The following DNM3 variants were observed in gnomAD, a reference collection of about 807,000 sequenced individuals.
DNM3 encodes the protein dynamin 3.
A neutral mutation model predicts 101.6 loss-of-function variants in DNM3; 47 were observed. The observed-to-expected ratio is 0.46, with a 90% CI of 0.37 to 0.59. The LOEUF is 0.59. Among genes scored for constraint, DNM3 ranks in the 20% least tolerant of loss-of-function variants. The pLI is 0.00. For synonymous variants in DNM3, 385 were observed against 387.9 expected (o/e 0.99, Z 0.09); for missense variants, 849 against 1,085.7 (o/e 0.78, Z 3.06).
chr1:172,299,556 T>C (rs2064335712), intron 15 of DNM3, among the ~76,000 whole-genome samples: 1 of 152,042 alleles, frequency 6.6e-6, no homozygotes, highest in African/African-American at 2.4e-5. Flanking sequence ...CATCTAGTAA[T>C]CCCCAGTGTC....
At position 171,945,244 on chromosome 1, in the gene DNM3, A is replaced by G. The variant is rs114053349; in HGVS notation, c.235+23423A>G. 6.5e-3 allele frequency among the ~76,000 whole-genome samples: 984 copies of G among 152,204 alleles called. 16 individuals carry two copies. Among genetic ancestry groups the G allele is most frequent in the African/African-American group, 0.022 (893 of 41,530 alleles). On this transcript the variant is annotated intron_variant, in intron 2 of 20. Coordinates refer to ENST00000627582, the MANE Select transcript of DNM3 (RefSeq NM_015569.5). The stretch of plus-strand genomic sequence containing the variant: ...TTTTTTCCAAGAAAAGAATGATGCA[A>G]AATTAGAGAAACCAATTATTTGCAT...
chr1:171,870,778 T>C (rs1444973511), intron 1 of DNM3, among the ~76,000 whole-genome samples: 1 of 152,160 alleles, frequency 6.6e-6, no homozygotes, highest in African/African-American at 2.4e-5. Context: ...CACAATCAGG[T>C]ACCCAAACTG....
At chr1:172,069,328 A>G (rs368135612) in intron 11 of DNM3, among the ~76,000 whole-genome samples, 1 of 152,202 alleles carries the variant, frequency 6.6e-6, no homozygotes, top group Non-Finnish European at 1.5e-5. Context: ...ATTATGCAAA[A>G]TGCTCAGTGT....
At chr1:172,037,330 C>T (rs1558463366) in intron 6 of DNM3, among the ~76,000 whole-genome samples, 1 of 152,178 alleles carries the variant, frequency 6.6e-6, no homozygotes, top group Non-Finnish European at 1.5e-5. Context: ...GCTATAAATA[C>T]ATATGCACAC....
At chr1:171,927,149 TAA>T (rs1571655125) in intron 2 of DNM3, among the ~76,000 whole-genome samples, 1 of 152,182 alleles carries the variant, frequency 6.6e-6, no homozygotes, top group East Asian at 1.9e-4. Flanking sequence ...TAGAAAAACT[TAA>T]AGAGTCCACT....
At chr1:171,921,945 A>G (rs2040205952) in intron 2 of DNM3, 124 bp downstream of exon 2, 1 of 712,596 alleles carries the variant, frequency 1.4e-6, no homozygotes, top group Non-Finnish European at 2.4e-6. Flanking sequence ...AGCTGCCCAC[A>G]TTTCTCTCCA....
intron 14 of DNM3, among the ~76,000 whole-genome samples, chr1:172,177,050 C>T (rs886483693): frequency 1.3e-4 from 20 of 151,736 alleles, no homozygotes; most frequent in Non-Finnish European, 2.1e-4. Flanking sequence ...AGGTGCTTAA[C>T]GCAAAGGGAA....
intron 15 of DNM3, among the ~76,000 whole-genome samples, chr1:172,281,979 C>G (rs1450912448): frequency 6.6e-6 from 1 of 152,124 alleles, no homozygotes; most frequent in Admixed American, 6.5e-5. Flanking sequence ...CAATTCTTTG[C>G]TCTGAAATTT....
At chr1:171,894,342 G>A (rs546576735) in intron 1 of DNM3, among the ~76,000 whole-genome samples, 46 of 152,260 alleles carry the variant, frequency 3.0e-4, no homozygotes, top group African/African-American at 1.1e-3. Context: ...TTTGCCACTG[G>A]AAAACCGGAA....
chr1:172,411,967 T>C lies in DNM3; in HGVS notation c.*4126T>C. ...TACTCATCCTGTCTGGTTGCTATGT[T>C]TAAAATTATGTGGTGCTGTGTAGGT... On this transcript the variant is annotated 3_prime_UTR_variant, in exon 21 of 21. Transcript: ENST00000627582. The C allele has an allele frequency of 3.0e-6, 3 of 985,778 alleles. No homozygotes were observed. The highest frequency in any genetic ancestry group is 3.6e-6 in the Non-Finnish European group (3 of 829,854). The allele number at this position is 985,778 out of a possible 1,614,324, so 61.1% of individuals were successfully genotyped here. A position where few individuals can be genotyped will look rare whatever the true frequency, so the allele number is the denominator to read the frequency against.
chr1:172,026,007 T>C (rs2048177530), intron 4 of DNM3, among the ~76,000 whole-genome samples: 1 of 152,034 alleles, frequency 6.6e-6, no homozygotes, highest in Non-Finnish European at 1.5e-5. Flanking sequence ...AACAAACTCC[T>C]CTGAGCTAAA....
chr1:171,923,730 T>C (rs2040352599), intron 2 of DNM3, among the ~76,000 whole-genome samples: 2 of 152,196 alleles, frequency 1.3e-5, no homozygotes, highest in African/African-American at 4.8e-5. Flanking sequence ...AGGTTTGTTA[T>C]ATTGCATAAT....
At chr1:172,247,406 A>C (rs916505310) in intron 14 of DNM3, among the ~76,000 whole-genome samples, 4 of 152,190 alleles carry the variant, frequency 2.6e-5, no homozygotes, top group African/African-American at 9.6e-5. Flanking sequence ...CTAGTGAAGC[A>C]TAAGTACTCT....
chr1:171,902,020 C>G (rs892602607), intron 1 of DNM3, among the ~76,000 whole-genome samples: 2 of 152,066 alleles, frequency 1.3e-5, no homozygotes, highest in Non-Finnish European at 1.5e-5. Flanking sequence ...TTCCATAGCA[C>G]ATTTAAAAAA....
At chr1:172,394,028 C>T (rs2069754907) in intron 20 of DNM3, 1 of 152,034 alleles carries the variant, frequency 6.6e-6, no homozygotes, top group Non-Finnish European at 1.5e-5. Flanking sequence ...AATATAAGTC[C>T]CTCAATTAAA....
chr1:172,037,476 A>G (rs2049055692), intron 6 of DNM3, among the ~76,000 whole-genome samples: 1 of 152,162 alleles, frequency 6.6e-6, no homozygotes, highest in Non-Finnish European at 1.5e-5. Context: ...GGAAGTTTAT[A>G]TTCTTTTCAT....
At chr1:172,046,499 T>A (rs557399576) in intron 9 of DNM3, among the ~76,000 whole-genome samples, 79 of 151,904 alleles carry the variant, frequency 5.2e-4, no homozygotes, top group African/African-American at 1.8e-3. Flanking sequence ...GGCACATGTA[T>A]ACATATGTAA....
Position 171,938,466 on chromosome 1 carries a change from A to G in DNM3, c.235+16645A>G, listed in dbSNP as rs139866429. ...AGACAGTTCTCAAGCACATAATTTT[A>G]AATCTGGAAAATGTAACTATCAAAA... On this transcript the variant is annotated intron_variant, in intron 2 of 20. Coordinates refer to ENST00000627582, the MANE Select transcript of DNM3 (RefSeq NM_015569.5). Among the ~76,000 whole-genome samples the G allele has an allele frequency of 2.4e-3, 372 of 152,288 alleles. 1 individual carries two copies. Among genetic ancestry groups the G allele is most frequent in the African/African-American group, 8.7e-3 (361 of 41,566 alleles).
chr1:172,314,121 G>A (rs1485757380), intron 16 of DNM3, among the ~76,000 whole-genome samples: 2 of 152,086 alleles, frequency 1.3e-5, no homozygotes, highest in South Asian at 2.1e-4. Context: ...ATACCCAAAG[G>A]ATTATAAATA....
Sources: allele counts gnomAD v4.1 joint callset (sites outside exome capture counted in the v4.1 genomes callset), GRCh38; gene constraint gnomAD v4.1.1; transcripts MANE v1.5; gene names NCBI Gene and HGNC (gene_info 2026-07-23, HGNC 2026-07-21).